Variants in PARP11 observed in about 807,000 individuals in gnomAD.
PARP11 encodes the protein protein mono-ADP-ribosyltransferase PARP11.
Under a neutral mutation model 42.9 loss-of-function variants are expected in PARP11, and 31 were observed. The ratio of observed to expected loss-of-function variants is 0.72; its 90% CI spans 0.54 to 0.98. The LOEUF is 0.98. PARP11 is among the 50% of genes least tolerant of loss of function. PARP11 has a pLI of 0.00. For synonymous variants in PARP11, 137 were observed against 127.3 expected, an observed-to-expected ratio of 1.08 and a Z score of -0.51; for missense variants, 365 against 413.1, an observed-to-expected ratio of 0.88 and a Z score of 1.01.
chr12:3,843,474 C>T (rs1431488728), intron 1 of PARP11, among the ~76,000 whole-genome samples: 2 of 152,060 alleles, frequency 1.3e-5, no homozygotes, highest in Non-Finnish European at 2.9e-5. Flanking sequence ...TTTTTTTCCC[C>T]TTGCACCATT....
intron 1 of PARP11, among the ~76,000 whole-genome samples, chr12:3,859,157 T>C (rs766998446): frequency 6.6e-5 from 10 of 151,538 alleles, no homozygotes; most frequent in Non-Finnish European, 1.3e-4. Context: ...GTAAAAGGCA[T>C]ATATGAAACA....
chr12:3,842,345 A>C, intron 1 of PARP11: 3 of 1,611,424 alleles, frequency 1.9e-6, no homozygotes, highest in Non-Finnish European at 2.5e-6. Flanking sequence ...GATTGGGGCT[A>C]TTCTGGTAGG....
intron 6 of PARP11, among the ~76,000 whole-genome samples, chr12:3,816,196 T>C (rs1947284592): frequency 6.7e-6 from 1 of 149,720 alleles, no homozygotes; most frequent in African/African-American, 2.4e-5. Context: ...GAAAAAAGTT[T>C]TTTAAATTAA....
intron 6 of PARP11, among the ~76,000 whole-genome samples, chr12:3,816,091 A>G (rs1338795112): frequency 1.3e-5 from 2 of 152,276 alleles, no homozygotes; most frequent in African/African-American, 2.4e-5. Flanking sequence ...CTTTACAAAA[A>G]GTCAGCATGC....
chr12:3,825,074 G>A (rs145781826), intron 4 of PARP11, among the ~76,000 whole-genome samples: 1 of 149,166 alleles, frequency 6.7e-6, no homozygotes, highest in Non-Finnish European at 1.5e-5. Context: ...TCCTTGGAAG[G>A]AGCAAATAGG....
intron 1 of PARP11, among the ~76,000 whole-genome samples, chr12:3,863,034 T>G (rs1948325883): frequency 6.6e-6 from 1 of 152,256 alleles, no homozygotes; most frequent in Non-Finnish European, 1.5e-5. Flanking sequence ...TATTTAGGTC[T>G]TAATTTTTTC....
chr12:3,859,654 A>C (rs1225626252), intron 1 of PARP11, among the ~76,000 whole-genome samples: 1 of 152,140 alleles, frequency 6.6e-6, no homozygotes, highest in African/African-American at 2.4e-5. Flanking sequence ...ATCAAAACGT[A>C]GATTTTTCAG....
chr12:3,841,656 A>G, intron 1 of PARP11: 1 of 1,613,588 alleles, frequency 6.2e-7, no homozygotes, highest in Non-Finnish European at 8.5e-7. Flanking sequence ...CTGATTATGA[A>G]GAGTCACTGA....
intron 1 of PARP11, chr12:3,832,161 C>T (rs1432597928): frequency 1.0e-6 from 1 of 975,414 alleles, no homozygotes; most frequent in Admixed American, 6.2e-5. Context: ...GTTTCAGCAA[C>T]ATCCTTTCAG....
In PARP11 at chr12:3,841,734, A is replaced by T. The variant is rs1010068470; in HGVS notation, c.19-11716T>A. On this transcript the variant is annotated intron_variant, in intron 1 of 7. Coordinates refer to ENST00000228820, the MANE Select transcript of PARP11 (RefSeq NM_020367.6). ...CATTCTTAGGCCCAGTTCCTATTGC[A>T]CCTCCTTTCTTTCCTCATGTTTGGC... is the stretch of plus-strand genomic sequence containing the variant. 1.4e-5 allele frequency: 22 copies of T among 1,612,700 alleles called. No individual in the cohort carries two copies. The African/African-American group carries it at 2.8e-4, about 21-fold the overall frequency.
intron 1 of PARP11, among the ~76,000 whole-genome samples, chr12:3,835,284 G>A (rs143123996): frequency 0.011 from 1,722 of 152,276 alleles, 27 homozygotes; most frequent in African/African-American, 0.038. Context: ...AAGTAGTCAG[G>A]TTAAGAGGGG....
chr12:3,869,615 T>C (rs1344589554), intron 1 of PARP11, among the ~76,000 whole-genome samples: 1 of 152,246 alleles, frequency 6.6e-6, no homozygotes, highest in Non-Finnish European at 1.5e-5. Flanking sequence ...AACCTTTACC[T>C]GGCTAACGCT....
intron 1 of PARP11, among the ~76,000 whole-genome samples, chr12:3,851,759 G>T (rs1199039825): frequency 6.6e-6 from 1 of 152,210 alleles, no homozygotes; most frequent in African/African-American, 2.4e-5. Flanking sequence ...GAGAGCAGTG[G>T]TTCTCCCAGC....
chr12:3,842,262 G>A (rs185708398), intron 1 of PARP11: 10 of 1,603,902 alleles, frequency 6.2e-6, no homozygotes, highest in South Asian at 1.1e-5. Flanking sequence ...TGAAAATGAA[G>A]TGTCATATTT....
At chr12:3,853,334 A>T (rs1445951555) in intron 1 of PARP11, among the ~76,000 whole-genome samples, 1 of 152,222 alleles carries the variant, frequency 6.6e-6, no homozygotes, top group Non-Finnish European at 1.5e-5. Flanking sequence ...AAAGACACAG[A>T]CTGGCAAATT....
intron 6 of PARP11, 71 bp from the exon 7 acceptor site, chr12:3,814,259 T>C: frequency 4.0e-6 from 5 of 1,263,436 alleles, no homozygotes; most frequent in Non-Finnish European, 5.3e-6. Context: ...TTAATCTTAA[T>C]GAGCAAGGTT....
Position 3,840,689 on chromosome 12 carries a change from C to T in PARP11, c.19-10671G>A, listed in dbSNP as rs1309879392. ...CGTAAGTGATAGAAAAGGAAGCAGG[C>T]GGAGAATGGATACAGAAGAACGAAA... On this transcript the variant is annotated intron_variant, in intron 1 of 7. Transcript: ENST00000228820. The surrounding 1 kb of genome is among the most constrained non-coding windows in gnomAD (Gnocchi z 4.4). 18 of 1,229,248 alleles carry T rather than the reference C, an allele frequency of 1.5e-5. No individual in the cohort carries two copies. The highest frequency in any genetic ancestry group is 1.9e-4 in the Middle Eastern group (1 of 5,340). 76.1% of individuals were successfully genotyped at this position (1,229,248 alleles called of 1,614,324 possible).
chr12:3,830,041 A>G, intron 1 of PARP11, 23 bp from the exon 2 acceptor site: 1 of 1,607,784 alleles, frequency 6.2e-7, no homozygotes, highest in Non-Finnish European at 8.5e-7. Context: ...AAGGAGGTGG[A>G]GGAAGAAATA....
At chr12:3,865,560 G>C (rs923138272) in intron 1 of PARP11, among the ~76,000 whole-genome samples, 3 of 151,992 alleles carry the variant, frequency 2.0e-5, no homozygotes, top group Non-Finnish European at 4.4e-5. Flanking sequence ...AAAATATCTA[G>C]GATTGTTTCT....
Sources: allele counts gnomAD v4.1 joint callset (sites outside exome capture counted in the v4.1 genomes callset), GRCh38; gene constraint gnomAD v4.1.1; non-coding constraint Gnocchi (gnomAD v3.1); transcripts MANE v1.5; gene names NCBI Gene and HGNC (gene_info 2026-07-23, HGNC 2026-07-21).